Variants in SECISBP2L observed in about 807,000 individuals in gnomAD.
SECISBP2L encodes selenocysteine insertion sequence-binding protein 2-like.
SECISBP2L carries 43 observed loss-of-function variants against 114.7 expected under a neutral mutation model. The observed-to-expected ratio is 0.38, with a 90% CI of 0.29 to 0.48. The LOEUF (loss-of-function observed/expected upper bound fraction) is 0.48. Ranked by LOEUF, SECISBP2L falls within the 20% of genes least tolerant of loss-of-function variation. The pLI, the probability that SECISBP2L is intolerant of heterozygous loss-of-function variation, is 0.98. For missense variants in SECISBP2L, 1,136 were observed against 1,301.1 expected (o/e 0.87, Z 1.95); for synonymous variants, 451 against 439.7 (o/e 1.03, Z -0.32).
intron 8 of SECISBP2L, chr15:49,017,859 C>G (rs1454312800): frequency 3.0e-6 from 1 of 337,112 alleles, no homozygotes; most frequent in Non-Finnish European, 5.3e-6. Flanking sequence ...ATTTCTGCAC[C>G]TACTATTTCA....
chr15:49,024,879 C>T (rs1425788077), intron 7 of SECISBP2L, among the ~76,000 whole-genome samples: 1 of 152,174 alleles, frequency 6.6e-6, no homozygotes, highest in African/African-American at 2.4e-5. Context: ...ACATGTGGCT[C>T]CAGTTCTTTG....
At chr15:49,008,042 C>A (rs1464178745) in intron 14 of SECISBP2L, among the ~76,000 whole-genome samples, 1 of 152,114 alleles carries the variant, frequency 6.6e-6, no homozygotes, top group Non-Finnish European at 1.5e-5. Flanking sequence ...ATTTCTGGGA[C>A]AAAGAAGTCA....
chr15:49,003,854 A>G (rs1276108035), intron 14 of SECISBP2L, among the ~76,000 whole-genome samples: 1 of 152,228 alleles, frequency 6.6e-6, no homozygotes, highest in Non-Finnish European at 1.5e-5. Flanking sequence ...TATTTTATTG[A>G]GGATTTCCGC....
chr15:49,001,319 T>C (rs1175545366), intron 14 of SECISBP2L, among the ~76,000 whole-genome samples: 1 of 152,228 alleles, frequency 6.6e-6, no homozygotes, highest in Non-Finnish European at 1.5e-5. Flanking sequence ...ATAGATTTTT[T>C]TAAGTATTCA....
intron 17 of SECISBP2L, 89 bp from the exon 18 acceptor site, chr15:48,993,015 C>T: frequency 8.8e-7 from 1 of 1,136,712 alleles, no homozygotes; most frequent in Non-Finnish European, 1.3e-6. Flanking sequence ...GAAAGAACAA[C>T]AAAATATATA....
intron 4 of SECISBP2L, 102 bp from the exon 5 acceptor site, chr15:49,028,784 A>G: frequency 1.0e-6 from 1 of 971,880 alleles, no homozygotes; most frequent in Non-Finnish European, 1.5e-6. Context: ...ACCAAACTTC[A>G]TAAATGAAGA....
At chr15:49,021,096 C>G (rs540567444) in intron 7 of SECISBP2L, among the ~76,000 whole-genome samples, 1 of 152,120 alleles carries the variant, frequency 6.6e-6, no homozygotes, top group Admixed American at 6.5e-5. Context: ...AGAGCCATCA[C>G]AAATGGGATT....
intron 4 of SECISBP2L, among the ~76,000 whole-genome samples, chr15:49,029,936 C>T (rs1902850572): frequency 6.7e-6 from 1 of 148,166 alleles, no homozygotes; most frequent in South Asian, 2.1e-4. Context: ...AGTGTTTTCC[C>T]TTCTGAGAAA....
intron 8 of SECISBP2L, among the ~76,000 whole-genome samples, chr15:49,018,113 A>G (rs1429623756): frequency 2.6e-5 from 4 of 152,238 alleles, no homozygotes; most frequent in East Asian, 3.8e-4. Context: ...GTCTTTAAAT[A>G]TAAGTATAGA....
At position 49,039,514 on chromosome 15, in the gene SECISBP2L, CT is replaced by C. The variant is rs200349293; in HGVS notation, c.25-1746del. Among the ~76,000 whole-genome samples the C allele has an allele frequency of 1.8e-3, 266 of 144,208 alleles. 1 individual carries two copies. Among genetic ancestry groups the C allele is most frequent in the Middle Eastern group, 7.5e-3 (2 of 266 alleles). 94.6% of individuals were successfully genotyped at this position (144,208 alleles called of 152,430 possible). A position where few individuals can be genotyped will look rare whatever the true frequency, so the allele number is the denominator to read the frequency against. The stretch of plus-strand genomic sequence containing the variant: ...ACTAAAAATGTAATTTTTAGGATTT[CT>C]TTTTTTTTTCTTTCTTTTTTTTTTT... On this transcript the variant is annotated intron_variant, in intron 1 of 17. Coordinates refer to ENST00000559471, the MANE Select transcript of SECISBP2L (RefSeq NM_001193489.2).
intron 16 of SECISBP2L, among the ~76,000 whole-genome samples, chr15:48,997,278 T>C (rs927361577): frequency 3.2e-4 from 48 of 152,262 alleles, no homozygotes; most frequent in Non-Finnish European, 8.8e-5. Flanking sequence ...TTCAGGAATG[T>C]AGAAGAAGAT....
In SECISBP2L at chr15:49,033,052, T is replaced by C; in HGVS notation, c.577A>G (p.Asn193Asp). ...TTTGTTTCTTTCTGAGTAGCTACAT[T>C]TTTCACCAGCGGCCTTTTGCTTTTT... ...HIKSKRPLVK[N>D]VATQKETNAA... is the part of the protein sequence containing the mutation. Residue 193 changes from asparagine to aspartate, a missense_variant, in exon 4 of 18, where the codon AAT becomes GAT. Asn to Asp is a conservative substitution (Grantham distance 23). Coordinates refer to ENST00000559471, the MANE Select transcript of SECISBP2L (RefSeq NM_001193489.2). 1 of 1,614,130 alleles carries C rather than the reference T, an allele frequency of 6.2e-7. No individual in the cohort carries two copies. Among genetic ancestry groups the C allele is most frequent in the Non-Finnish European group, 8.5e-7 (1 of 1,180,010 alleles).
chr15:49,008,058 G>A (rs1902358720), intron 14 of SECISBP2L, among the ~76,000 whole-genome samples: 1 of 152,194 alleles, frequency 6.6e-6, no homozygotes, highest in African/African-American at 2.4e-5. Flanking sequence ...AGTCATCTAA[G>A]TATATACTTC....
intron 14 of SECISBP2L, among the ~76,000 whole-genome samples, chr15:49,003,713 T>C (rs575254996): frequency 9.2e-5 from 14 of 152,358 alleles, no homozygotes; most frequent in Admixed American, 4.6e-4. Context: ...AGTTTTATCA[T>C]TGGATCTGTT....
intron 16 of SECISBP2L, among the ~76,000 whole-genome samples, chr15:48,998,754 C>G (rs1902146593): frequency 6.6e-6 from 1 of 152,170 alleles, no homozygotes; most frequent in South Asian, 2.1e-4. Context: ...CCAAGCTGGT[C>G]TGGAACTCCT....
chr15:48,995,623 AAGGAAGTTACAT>A (rs1902070840), intron 17 of SECISBP2L, among the ~76,000 whole-genome samples: 2 of 152,198 alleles, frequency 1.3e-5, no homozygotes, highest in South Asian at 4.1e-4. Context: ...AAAAAGAAGA[AAGGAAGTTACAT>A]AGGGAAAACA....
intron 2 of SECISBP2L, 145 bp downstream of exon 2, chr15:49,037,446 T>A: frequency 1.5e-6 from 1 of 685,482 alleles, no homozygotes. Context: ...ATATCAACAA[T>A]TTCCAAATTT....
chr15:49,016,525 G>A (rs771318145), intron 11 of SECISBP2L, 35 bp downstream of exon 11: 3 of 1,568,226 alleles, frequency 1.9e-6, no homozygotes, highest in South Asian at 1.2e-5. Flanking sequence ...TATTAGCAGA[G>A]ACAAACAGCA....
At chr15:49,016,512 A>T in intron 11 of SECISBP2L, 48 bp downstream of exon 11, 2 of 1,552,234 alleles carry the variant, frequency 1.3e-6, no homozygotes, top group East Asian at 2.3e-5. Context: ...AACATCTAAC[A>T]TATATTAGCA....
Sources: gnomAD v4.1 joint callset for allele counts (sites outside exome capture counted in the v4.1 genomes callset) on GRCh38, gnomAD v4.1.1 for gene constraint, MANE v1.5 for transcripts, NCBI Gene and HGNC (gene_info 2026-07-23, HGNC 2026-07-21) for gene names.